Variants in AKAP6 observed in about 807,000 individuals in gnomAD.
The protein encoded by AKAP6 is A-kinase anchor protein 6.
Under a neutral mutation model 188.5 loss-of-function variants are expected in AKAP6, and 58 were observed. That is an observed-to-expected ratio of 0.31 (90% CI 0.25 to 0.38). The LOEUF is 0.38. Ranked by LOEUF, AKAP6 falls within the 10% of genes least tolerant of loss-of-function variation. The pLI is 1.00. For synonymous variants in AKAP6, 989 were observed against 998.6 expected (o/e 0.99, Z 0.18); for missense variants, 2,710 against 2,740.0 (o/e 0.99, Z 0.24).
rs545609055 is a variant in AKAP6, at chr14:32,445,919, G to C, written c.324+12102G>C. ...AATTGGCAGATCTTCCTTAGGGAAAGCTAGCTCTCATACCTATACTGGAAA... is the reference window on the plus strand; with the variant it reads ...AATTGGCAGATCTTCCTTAGGGAAACCTAGCTCTCATACCTATACTGGAAA... On this transcript the variant is annotated intron_variant, in intron 2 of 13. Coordinates refer to ENST00000280979, the MANE Select transcript of AKAP6 (RefSeq NM_004274.5). 2.6e-5 allele frequency among the ~76,000 whole-genome samples: 4 copies of C among 152,276 alleles called. No homozygotes were observed. In the South Asian group the frequency reaches 8.3e-4, roughly 32 times the overall value.
At chr14:32,436,520 T>G (rs1222636911) in intron 2 of AKAP6, among the ~76,000 whole-genome samples, 1 of 152,234 alleles carries the variant, frequency 6.6e-6, no homozygotes, top group Admixed American at 6.5e-5. Context: ...ACACTACTGC[T>G]GCCATCCTAG....
At chr14:32,644,180 T>A (rs1264026402) in intron 7 of AKAP6, among the ~76,000 whole-genome samples, 1 of 152,184 alleles carries the variant, frequency 6.6e-6, no homozygotes, top group East Asian at 1.9e-4. Flanking sequence ...CACAGAATGA[T>A]ACAAAGGCAC....
At chr14:32,638,627 G>A (rs1424600895) in intron 7 of AKAP6, among the ~76,000 whole-genome samples, 3 of 152,012 alleles carry the variant, frequency 2.0e-5, no homozygotes, top group East Asian at 1.9e-4. Flanking sequence ...TAGGAAGACC[G>A]CTTTTCTTTC....
chr14:32,394,926 T>C (rs370211646), intron 1 of AKAP6, among the ~76,000 whole-genome samples: 7 of 152,316 alleles, frequency 4.6e-5, no homozygotes, highest in African/African-American at 1.4e-4. Context: ...TGTAAATAAT[T>C]GTGTCTGCTA....
intron 11 of AKAP6, among the ~76,000 whole-genome samples, chr14:32,747,961 T>C (rs1404823965): frequency 1.3e-5 from 2 of 152,186 alleles, no homozygotes; most frequent in African/African-American, 4.8e-5. Context: ...ACCAGATTCA[T>C]GGAAGTCAAG....
intron 12 of AKAP6, among the ~76,000 whole-genome samples, chr14:32,810,878 C>A (rs2034206963): frequency 6.6e-6 from 1 of 152,102 alleles, no homozygotes; most frequent in Non-Finnish European, 1.5e-5. Context: ...TTAGCTTAAA[C>A]CCTGGGCCAA....
chr14:32,527,504 T>C (rs1882193799), intron 2 of AKAP6, among the ~76,000 whole-genome samples: 1 of 152,214 alleles, frequency 6.6e-6, no homozygotes, highest in East Asian at 1.9e-4. Flanking sequence ...GTTTTTATGG[T>C]GAGAATATGT....
At chr14:32,342,733 A>G (rs1327156385) in intron 1 of AKAP6, among the ~76,000 whole-genome samples, 1 of 152,162 alleles carries the variant, frequency 6.6e-6, no homozygotes. Flanking sequence ...ACTCTACTGA[A>G]CAAGAGATGT....
At chr14:32,746,515 A>G (rs574063390) in intron 11 of AKAP6, among the ~76,000 whole-genome samples, 2 of 152,102 alleles carry the variant, frequency 1.3e-5, no homozygotes, top group African/African-American at 4.8e-5. Context: ...CTGCTGCCCT[A>G]TCCTGCTGTG....
intron 1 of AKAP6, among the ~76,000 whole-genome samples, chr14:32,337,963 T>C (rs749398339): frequency 1.8e-4 from 27 of 152,102 alleles, no homozygotes; most frequent in Non-Finnish European, 3.4e-4. Flanking sequence ...CAGGCTACAT[T>C]GAGCCATGAT....
intron 4 of AKAP6, among the ~76,000 whole-genome samples, chr14:32,574,359 C>G (rs958616338): frequency 2.0e-5 from 3 of 152,200 alleles, no homozygotes; most frequent in Non-Finnish European, 2.9e-5. Context: ...GGCTGGGATA[C>G]ACAGAGGTGC....
Position 32,786,296 on chromosome 14 carries a change from A to ATGTTTTTT in AKAP6, c.3588+12404_3588+12405insGTTTTTTT. 6.7e-3 allele frequency among the ~76,000 whole-genome samples: 629 copies of ATGTTTTTT among 93,642 alleles called. 110 individuals carry two copies. The highest frequency in any genetic ancestry group is 0.016 in the African/African-American group (385 of 24,362). The allele number at this position is 93,642 out of a possible 152,430, so 61.4% of individuals were successfully genotyped here. On this transcript the variant is annotated intron_variant, in intron 12 of 13. Coordinates refer to ENST00000280979, the MANE Select transcript of AKAP6 (RefSeq NM_004274.5). ...AGCCCTCTGAAAGACCTAAACCTTTATCTTTTTTTTTTTTTTTTTTTTTTT... is the reference window on the plus strand; with the variant it reads ...AGCCCTCTGAAAGACCTAAACCTTTATGTTTTTTTCTTTTTTTTTTTTTTTTTTTTTTT...
intron 4 of AKAP6, among the ~76,000 whole-genome samples, chr14:32,575,881 CTG>C (rs1407840438): frequency 1.3e-5 from 2 of 152,146 alleles, no homozygotes; most frequent in Non-Finnish European, 2.9e-5. Flanking sequence ...CTATGGGACT[CTG>C]TGCCCACATC....
intron 11 of AKAP6, among the ~76,000 whole-genome samples, chr14:32,749,750 T>C (rs1213734746): frequency 3.3e-5 from 5 of 152,196 alleles, no homozygotes; most frequent in African/African-American, 1.2e-4. Flanking sequence ...GACATACAAT[T>C]CTCAGTTAAA....
chr14:32,573,728 T>A (rs1008770802), intron 4 of AKAP6, among the ~76,000 whole-genome samples: 4 of 152,256 alleles, frequency 2.6e-5, no homozygotes, highest in Admixed American at 2.0e-4. Context: ...AAATAATTTT[T>A]AAATTTTTTT....
chr14:32,479,669 C>A (rs1344190488), intron 2 of AKAP6, among the ~76,000 whole-genome samples: 1 of 152,092 alleles, frequency 6.6e-6, no homozygotes, highest in Admixed American at 6.6e-5. Flanking sequence ...GAAATCCTAA[C>A]CTCCAAGGAG....
chr14:32,598,106 G>C (rs1594772613), intron 5 of AKAP6, among the ~76,000 whole-genome samples: 1 of 152,150 alleles, frequency 6.6e-6, no homozygotes, highest in South Asian at 2.1e-4. Flanking sequence ...GTGGATGAAT[G>C]AATGAATACA....
chr14:32,413,741 C>T lies in AKAP6; in HGVS notation c.-34-19719C>T, dbSNP rs141644334. On this transcript the variant is annotated intron_variant, in intron 1 of 13. Coordinates refer to ENST00000280979, the MANE Select transcript of AKAP6 (RefSeq NM_004274.5). ...TTGCAAGAAACATCATTGGATGTCT[C>T]TGTCTCTATGGAGCATATCCTCCTT... Among the ~76,000 whole-genome samples, 31 of 152,264 alleles carry T rather than the reference C, an allele frequency of 2.0e-4. No homozygotes were observed. In the East Asian group the frequency reaches 5.6e-3, roughly 27 times the overall value.
intron 12 of AKAP6, among the ~76,000 whole-genome samples, chr14:32,810,951 A>C (rs2034208757): frequency 6.6e-6 from 1 of 152,144 alleles, no homozygotes; most frequent in Non-Finnish European, 1.5e-5. Flanking sequence ...AAGATGAAAA[A>C]GAGATTGGCT....
Sources: allele counts gnomAD v4.1 joint callset (sites outside exome capture counted in the v4.1 genomes callset), GRCh38; gene constraint gnomAD v4.1.1; transcripts MANE v1.5; gene names NCBI Gene and HGNC (gene_info 2026-07-23, HGNC 2026-07-21).